RBFOX1: variants seen among roughly 807,000 people sequenced by gnomAD.
RBFOX1 encodes the protein RNA binding fox-1 homolog 1, also known as RNA binding protein fox-1 homolog 1.
A neutral mutation model predicts 57.7 loss-of-function variants in RBFOX1; 8 were observed. That is an observed-to-expected ratio of 0.14 (90% CI 0.08 to 0.25). The LOEUF is 0.25. RBFOX1 is among the 10% of genes least tolerant of loss of function. The pLI is 1.00. For synonymous variants in RBFOX1, 326 were observed against 222.4 expected, an observed-to-expected ratio of 1.47 and a Z score of -4.15; for missense variants, 611 against 548.5, an observed-to-expected ratio of 1.11 and a Z score of -1.14.
At chr16:6,789,693 G>C (rs28422828) in intron 3 of RBFOX1, among the ~76,000 whole-genome samples, 60,011 of 151,882 alleles carry the variant, frequency 0.4, 15,069 homozygotes, top group African/African-American at 0.69. Flanking sequence ...TCCTTTTCTT[G>C]TTTCATTTTC....
intron 4 of RBFOX1, among the ~76,000 whole-genome samples, chr16:7,253,489 A>G (rs1603449412): frequency 6.6e-6 from 1 of 152,238 alleles, no homozygotes; most frequent in East Asian, 1.9e-4. Flanking sequence ...GCCTATCTAT[A>G]CATCATTGAC....
chr16:7,697,337 G>A (rs1190314952), intron 14 of RBFOX1, among the ~76,000 whole-genome samples: 4 of 152,120 alleles, frequency 2.6e-5, no homozygotes, highest in African/African-American at 9.7e-5. Flanking sequence ...CCCCACTCTT[G>A]TTCTAAGGGT....
At chr16:6,791,534 G>C (rs2082942263) in intron 3 of RBFOX1, among the ~76,000 whole-genome samples, 1 of 152,138 alleles carries the variant, frequency 6.6e-6, no homozygotes, top group Non-Finnish European at 1.5e-5. Context: ...CGAGGTGGGT[G>C]GATCTCTTGA....
chr16:5,480,379 T>TA (rs61654524), intron 2 of RBFOX1, among the ~76,000 whole-genome samples: 93 of 148,824 alleles, frequency 6.2e-4, no homozygotes, highest in African/African-American at 1.6e-3. Context: ...ATAGATTATT[T>TA]AAAAAAAAAA....
At chr16:7,238,468 C>A (rs1056467334) in intron 4 of RBFOX1, among the ~76,000 whole-genome samples, 1 of 152,116 alleles carries the variant, frequency 6.6e-6, no homozygotes, top group Non-Finnish European at 1.5e-5. Context: ...GGTTGTTTCC[C>A]CTTCCTGCAA....
Position 6,768,946 on chromosome 16 carries a change from C to T in RBFOX1, c.-16+114296C>T, listed in dbSNP as rs569804696. Among the ~76,000 whole-genome samples the T allele has an allele frequency of 1.2e-4, 19 of 152,158 alleles. No homozygotes were observed. The South Asian group carries it at 3.5e-3, about 28-fold the overall frequency. On this transcript the variant is annotated intron_variant, in intron 3 of 15. Coordinates refer to ENST00000550418, the MANE Select transcript of RBFOX1 (RefSeq NM_018723.4). ...GTTTCACCATGTTGGCCAGGCTGGTCTCAAACTCCTGACCTCGTGATCTGC... is the reference window on the plus strand; with the variant it reads ...GTTTCACCATGTTGGCCAGGCTGGTTTCAAACTCCTGACCTCGTGATCTGC...
chr16:6,078,265 T>G lies in RBFOX1; in HGVS notation c.-127+58273T>G, dbSNP rs112658948. ...ATATTATTACACAGGGTTTCTAGTA[T>G]ATTATGTTGGTTAAGAGCAAGCCTC... On this transcript the variant is annotated intron_variant, in intron 1 of 15. Transcript: ENST00000550418. Among the ~76,000 whole-genome samples, 439 of 152,336 alleles carry G rather than the reference T, an allele frequency of 2.9e-3. 2 individuals are homozygous for G. The highest frequency in any genetic ancestry group is 9.4e-3 in the African/African-American group (392 of 41,572).
chr16:6,008,924 A>T (rs1247857382), intron 4 of RBFOX1, among the ~76,000 whole-genome samples: 1 of 152,202 alleles, frequency 6.6e-6, no homozygotes, highest in Non-Finnish European at 1.5e-5. Context: ...AGGAAGAGGT[A>T]GAGAAATCAA....
intron 3 of RBFOX1, among the ~76,000 whole-genome samples, chr16:7,014,293 A>G (rs60427113): frequency 0.051 from 7,668 of 151,774 alleles, 361 homozygotes; most frequent in East Asian, 0.2. Flanking sequence ...GCTCACTACA[A>G]TGTTAGCCTC....
At chr16:6,552,075 G>T (rs1401813097) in intron 2 of RBFOX1, among the ~76,000 whole-genome samples, 4 of 152,192 alleles carry the variant, frequency 2.6e-5, no homozygotes, top group African/African-American at 9.7e-5. Flanking sequence ...AACAGGTTAT[G>T]CTTTTAGAAA....
chr16:5,514,699 C>CA (rs1313164540), intron 2 of RBFOX1, among the ~76,000 whole-genome samples: 1 of 150,546 alleles, frequency 6.6e-6, no homozygotes, highest in Admixed American at 6.6e-5. Flanking sequence ...ATGTCCACAG[C>CA]AAAAGATGAA....
At chr16:7,104,717 C>T (rs967325833) in intron 4 of RBFOX1, among the ~76,000 whole-genome samples, 10 of 152,078 alleles carry the variant, frequency 6.6e-5, no homozygotes, top group Non-Finnish European at 1.2e-4. Flanking sequence ...GACAATTAAC[C>T]AAGGAACTCT....
intron 14 of RBFOX1, among the ~76,000 whole-genome samples, chr16:7,696,868 G>C (rs2078962952): frequency 6.6e-6 from 1 of 152,148 alleles, no homozygotes; most frequent in African/African-American, 2.4e-5. Flanking sequence ...TGTGACCCAT[G>C]AAACATACAG....
chr16:6,089,043 C>G (rs988745544), intron 1 of RBFOX1, among the ~76,000 whole-genome samples: 1 of 146,162 alleles, frequency 6.8e-6, no homozygotes, highest in Non-Finnish European at 1.5e-5. Flanking sequence ...TTGCAGTGAG[C>G]CAACAGAGTG....
At chr16:6,256,085 AAGT>A (rs1487057440) in intron 1 of RBFOX1, among the ~76,000 whole-genome samples, 1 of 146,956 alleles carries the variant, frequency 6.8e-6, no homozygotes, top group African/African-American at 2.5e-5. Context: ...GAAAAAATGA[AAGT>A]AGGATCATTT....
chr16:6,996,674 G>C (rs1450306269), intron 3 of RBFOX1, among the ~76,000 whole-genome samples: 1 of 152,204 alleles, frequency 6.6e-6, no homozygotes, highest in African/African-American at 2.4e-5. Flanking sequence ...GGTCACAGAG[G>C]TAGTAAGTGG....
intron 2 of RBFOX1, among the ~76,000 whole-genome samples, chr16:5,471,428 C>T (rs1221933797): frequency 6.6e-6 from 1 of 152,264 alleles, no homozygotes; most frequent in South Asian, 2.1e-4. Flanking sequence ...TCCTTTTTCT[C>T]TCGGAGAGAT....
rs551131024 is a variant in RBFOX1, at chr16:5,594,404, C to G, written c.259-4498C>G. Among the ~76,000 whole-genome samples the G allele has an allele frequency of 1.1e-4, 17 of 151,438 alleles. No homozygotes were observed. The East Asian group carries it at 3.2e-3, about 29-fold the overall frequency. ...GTTTATTTTTCCAGGGTTGAGGACA[C>G]AGGCCTGTGACACAGCCTCAGGAGG... On this transcript the variant is annotated intron_variant, in intron 2 of 2. Transcript: ENST00000585867.
intron 1 of RBFOX1, among the ~76,000 whole-genome samples, chr16:5,453,485 G>C (rs1231517131): frequency 6.6e-6 from 1 of 152,124 alleles, no homozygotes; most frequent in Non-Finnish European, 1.5e-5. Flanking sequence ...GGCAGCACTA[G>C]GCACCCCTCT....
Sources: gnomAD v4.1 joint callset for allele counts (sites outside exome capture counted in the v4.1 genomes callset) on GRCh38, gnomAD v4.1.1 for gene constraint, MANE v1.5 for transcripts, NCBI Gene and HGNC (gene_info 2026-07-23, HGNC 2026-07-21) for gene names.